Variants in ESYT2 observed in about 807,000 individuals in gnomAD.
ESYT2 encodes extended synaptotagmin 2.
ESYT2 carries 54 observed loss-of-function variants against 107.2 expected under a neutral mutation model. The ratio of observed to expected loss-of-function variants is 0.50; its 90% CI spans 0.40 to 0.63. The LOEUF is 0.63. ESYT2 is among the 30% of genes least tolerant of loss of function. The probability of loss-of-function intolerance (pLI) is 0.00; values close to 1 mark genes in which losing one functional copy is unlikely to be tolerated. For missense variants in ESYT2, 1,020 were observed against 1,094.5 expected, an observed-to-expected ratio of 0.93 and a Z score of 0.96; for synonymous variants, 491 against 434.1, an observed-to-expected ratio of 1.13 and a Z score of -1.63.
At chr7:158,737,323 T>A in intron 19 of ESYT2, 144 bp from the exon 20 acceptor site, 2 of 1,087,924 alleles carry the variant, frequency 1.8e-6, no homozygotes, top group Non-Finnish European at 2.5e-6. Flanking sequence ...GTGAGGCGCT[T>A]TTGCCTCCCC....
intron 10 of ESYT2, 138 bp downstream of exon 10, chr7:158,762,945 G>A (rs1280580363): frequency 1.9e-6 from 1 of 537,902 alleles, no homozygotes; most frequent in Non-Finnish European, 3.2e-6. Context: ...AATCCAAGGT[G>A]AAACAATTGT....
intron 16 of ESYT2, among the ~76,000 whole-genome samples, chr7:158,746,804 G>T (rs1466815475): frequency 1.3e-5 from 2 of 152,196 alleles, no homozygotes; most frequent in Non-Finnish European, 2.9e-5. Context: ...AAGCAGAAGT[G>T]GGAACATCGC....
rs1836772026 is a variant in ESYT2 at position 158,732,096 on chromosome 7, C to T, written c.*2111G>A. Reference sequence around the variant, plus strand: ...TAATTGTGTCTACTCTGCCTAAGTGCTTAAATAAAGCATTCCATTAAGCAA... The same window carrying T: ...TAATTGTGTCTACTCTGCCTAAGTGTTTAAATAAAGCATTCCATTAAGCAA... On this transcript the variant is annotated 3_prime_UTR_variant, in exon 23 of 23. Transcript: ENST00000275418. 6.6e-6 allele frequency: 1 copy of T among 152,178 alleles called. No individual in the cohort carries two copies. Among genetic ancestry groups the T allele is most frequent in the Non-Finnish European group, 1.5e-5 (1 of 68,042 alleles). 9.4% of individuals were successfully genotyped at this position (152,178 alleles called of 1,614,324 possible).
intron 6 of ESYT2, among the ~76,000 whole-genome samples, chr7:158,777,987 A>C (rs900718011): frequency 5.9e-5 from 9 of 152,226 alleles, no homozygotes; most frequent in African/African-American, 2.2e-4. Flanking sequence ...TCAACTAGTA[A>C]AAACACAGTA....
intron 1 of ESYT2, among the ~76,000 whole-genome samples, chr7:158,815,902 C>A (rs992950501): frequency 6.6e-6 from 1 of 152,120 alleles, no homozygotes; most frequent in Admixed American, 6.5e-5. Context: ...TGTTACGGCA[C>A]GGGGAAAGTG....
chr7:158,797,516 G>A (rs1427496608), intron 3 of ESYT2, among the ~76,000 whole-genome samples: 1 of 151,982 alleles, frequency 6.6e-6, no homozygotes, highest in Non-Finnish European at 1.5e-5. Context: ...AGGCCAGGGA[G>A]GGCAACATAG....
At chr7:158,813,523 A>G (rs559521476) in intron 1 of ESYT2, among the ~76,000 whole-genome samples, 2 of 152,368 alleles carry the variant, frequency 1.3e-5, no homozygotes, top group South Asian at 4.1e-4. Context: ...ATTTTTCTGG[A>G]AATCCAGAAT....
chr7:158,805,883 T>G (rs1839810645), intron 1 of ESYT2, among the ~76,000 whole-genome samples: 1 of 152,216 alleles, frequency 6.6e-6, no homozygotes. Context: ...TCAAATGGTG[T>G]TGTCTACCAG....
chr7:158,749,806 T>C (rs117928449), intron 14 of ESYT2, 83 bp from the exon 15 acceptor site: 10 of 1,227,334 alleles, frequency 8.1e-6, no homozygotes, highest in Non-Finnish European at 9.3e-6. Context: ...TACTGGCTTA[T>C]ATTAGTAGTC....
intron 4 of ESYT2, among the ~76,000 whole-genome samples, chr7:158,792,524 T>A (rs1405520007): frequency 1.4e-5 from 2 of 147,426 alleles, no homozygotes; most frequent in Non-Finnish European, 3.0e-5. Flanking sequence ...CAAGACCCTG[T>A]GTCAAAAACA....
chr7:158,774,091 C>T lies in ESYT2; in HGVS notation c.748-695G>A, dbSNP rs574576378. ...GATGAAAACTATTGATTAGAAATAC[C>T]GCTTTTCCTAACAAAACAGCACATA... On this transcript the variant is annotated intron_variant, in intron 6 of 22. Coordinates refer to ENST00000275418, the MANE Select transcript of ESYT2 (RefSeq NM_001367773.1). 8.5e-5 allele frequency among the ~76,000 whole-genome samples: 13 copies of T among 152,276 alleles called. No homozygotes were observed. The South Asian group carries it at 2.1e-3, about 24-fold the overall frequency.
At chr7:158,819,010 G>GTAGC (rs1439906908) in intron 1 of ESYT2, among the ~76,000 whole-genome samples, 1 of 152,234 alleles carries the variant, frequency 6.6e-6, no homozygotes. Flanking sequence ...GAACCTCAAA[G>GTAGC]TAGCCATTAC....
chr7:158,768,769 T>C (rs1440035725), intron 7 of ESYT2, among the ~76,000 whole-genome samples: 1 of 152,206 alleles, frequency 6.6e-6, no homozygotes, highest in Non-Finnish European at 1.5e-5. Context: ...GCCTTACGCC[T>C]GTAATCCCTA....
At chr7:158,756,634 C>A (rs569757191) in intron 13 of ESYT2, among the ~76,000 whole-genome samples, 1 of 152,104 alleles carries the variant, frequency 6.6e-6, no homozygotes, top group African/African-American at 2.4e-5. Flanking sequence ...ATAGGCCGGG[C>A]ATGGTGGCTC....
chr7:158,799,209 G>T, intron 1 of ESYT2, 137 bp from the exon 2 acceptor site: 1 of 744,400 alleles, frequency 1.3e-6, no homozygotes, highest in Non-Finnish European at 2.2e-6. Context: ...TCTAAAGCTT[G>T]GGAAACTGGT....
intron 3 of ESYT2, among the ~76,000 whole-genome samples, chr7:158,797,391 C>G (rs1172502962): frequency 6.6e-6 from 1 of 152,024 alleles, no homozygotes; most frequent in African/African-American, 2.4e-5. Flanking sequence ...TCAGGCCTCC[C>G]AAAGTGCTGG....
intron 16 of ESYT2, among the ~76,000 whole-genome samples, chr7:158,745,112 C>T (rs1051199459): frequency 5.3e-5 from 8 of 152,088 alleles, no homozygotes; most frequent in African/African-American, 1.7e-4. Flanking sequence ...TACTTTTGCA[C>T]CAACCTAATA....
rs1167988852 is a variant in ESYT2 at position 158,822,866 on chromosome 7, T to C, written c.330+6223A>G. Among the ~76,000 whole-genome samples, 11 of 152,312 alleles carry C rather than the reference T, an allele frequency of 7.2e-5. No individual in the cohort carries two copies. The South Asian group carries it at 2.3e-3, about 32-fold the overall frequency. ...TACCTAACCCTTTCATTAACTCTCC[T>C]TTAAAATGTAAATACCCCCAAACTT... On this transcript the variant is annotated intron_variant, in intron 1 of 22. Coordinates refer to ENST00000275418, the MANE Select transcript of ESYT2 (RefSeq NM_001367773.1).
At chr7:158,767,911 T>C in intron 7 of ESYT2, 137 bp from the exon 8 acceptor site, 1 of 974,500 alleles carries the variant, frequency 1.0e-6, no homozygotes, top group South Asian at 2.3e-5. Context: ...ATTCCTCCAG[T>C]GCAATATTTA....
Sources: allele counts gnomAD v4.1 joint callset (sites outside exome capture counted in the v4.1 genomes callset), GRCh38; gene constraint gnomAD v4.1.1; transcripts MANE v1.5; gene names NCBI Gene and HGNC (gene_info 2026-07-23, HGNC 2026-07-21).